Variants in COL4A1 observed in about 807,000 individuals in gnomAD.
COL4A1 encodes the protein collagen alpha-1(IV) chain.
A neutral mutation model predicts 216.6 loss-of-function variants in COL4A1; 40 were observed. That is an observed-to-expected ratio of 0.18 (90% confidence interval 0.14 to 0.24). The LOEUF (loss-of-function observed/expected upper bound fraction) is 0.24. Ranked by LOEUF, COL4A1 falls within the 10% of genes least tolerant of loss-of-function variation. COL4A1 has a pLI of 1.00. For synonymous variants in COL4A1, 839 were observed against 810.7 expected, an observed-to-expected ratio of 1.03 and a Z score of -0.59; for missense variants, 1,628 against 2,196.8, an observed-to-expected ratio of 0.74 and a Z score of 5.18.
At chr13:110,173,848 T>A (rs1877752691) in intron 40 of COL4A1, 52 bp downstream of exon 40, 1 of 1,606,196 alleles carries the variant, frequency 6.2e-7, no homozygotes, top group Non-Finnish European at 8.5e-7. Context: ...TCTGCAGGTC[T>A]CTGGGAGTGG....
chr13:110,257,367 A>C (rs1882622969), intron 1 of COL4A1, among the ~76,000 whole-genome samples: 1 of 152,256 alleles, frequency 6.6e-6, no homozygotes, highest in Non-Finnish European at 1.5e-5. Flanking sequence ...AAATGTGAGC[A>C]CAACAGCAAC....
chr13:110,214,020 A>C lies in COL4A1; in HGVS notation c.145-5T>G. The C allele has an allele frequency of 1.2e-6, 2 of 1,613,282 alleles. No homozygotes were observed. The highest frequency in any genetic ancestry group is 1.7e-6 in the Non-Finnish European group (2 of 1,179,312). ...CCCCGGGAGGCCTCTTTCACCCTAC[A>C]GAAGAGGAACATCAGTCAGGCAAAA... is the stretch of plus-strand genomic sequence containing the variant. On this transcript the variant is annotated splice_polypyrimidine_tract_variant and splice_region_variant and intron_variant, in intron 2 of 51. Transcript: ENST00000375820.
chr13:110,227,387 G>GAC (rs373355054), intron 2 of COL4A1, among the ~76,000 whole-genome samples: 9,751 of 138,686 alleles, frequency 0.07, 390 homozygotes, highest in African/African-American at 0.11. Flanking sequence ...GGGTACGGTA[G>GAC]ACACACACAC....
chr13:110,298,524 A>G (rs1445180803), intron 1 of COL4A1: 1 of 152,184 alleles, frequency 6.6e-6, no homozygotes, highest in East Asian at 1.9e-4. Context: ...TCACTGACCC[A>G]TTTTCCTGCT....
In COL4A1 at chr13:110,179,490, G is replaced by GTT; in HGVS notation, c.2194-70_2194-69insAA. ...TCAGTATTTTTATCAAACCAATAGC[G>GTT]TAAGTGAAGACTTAACAGATACTGC... On this transcript the variant is annotated intron_variant, in intron 29 of 51. Coordinates refer to ENST00000375820, the MANE Select transcript of COL4A1 (RefSeq NM_001845.6). The GTT allele has an allele frequency of 1.9e-6, 3 of 1,606,478 alleles. 1 individual carries two copies. In the Middle Eastern group the frequency reaches 5.0e-4, roughly 266 times the overall value.
intron 43 of COL4A1, among the ~76,000 whole-genome samples, chr13:110,167,605 G>A (rs1470427): frequency 0.48 from 72,759 of 152,026 alleles, 17,703 homozygotes; most frequent in Non-Finnish European, 0.51. Context: ...ACCAGCCAAC[G>A]AGCTTTTCTG....
At chr13:110,202,283 A>T (rs1408484280) in intron 18 of COL4A1, among the ~76,000 whole-genome samples, 1 of 152,024 alleles carries the variant, frequency 6.6e-6, no homozygotes, top group East Asian at 1.9e-4. Context: ...AGGTCGCAAG[A>T]CAAGAAGAGG....
At chr13:110,224,810 T>C (rs1880662341) in intron 2 of COL4A1, among the ~76,000 whole-genome samples, 1 of 152,140 alleles carries the variant, frequency 6.6e-6, no homozygotes, top group South Asian at 2.1e-4. Context: ...TGGGGCAGCG[T>C]TGTGGAACAA....
chr13:110,271,303 G>T (rs149882227), intron 1 of COL4A1, among the ~76,000 whole-genome samples: 1 of 152,282 alleles, frequency 6.6e-6, no homozygotes, highest in Non-Finnish European at 1.5e-5. Context: ...GGAGAAGCAA[G>T]ATATTCATAC....
In COL4A1 at chr13:110,178,918, C is replaced by T. The variant is rs533363311; in HGVS notation, c.2458+5G>A. The T allele has an allele frequency of 1.8e-5, 29 of 1,603,548 alleles. No individual in the cohort carries two copies. In the South Asian group the frequency reaches 3.1e-4, roughly 17 times the overall value. ...AACAGATAATTCTAGAAGCATGTCA[C>T]TCACCTGACAACCCCGGTGGTCCCT... On this transcript the variant is annotated splice_donor_5th_base_variant and intron_variant, in intron 31 of 51. Coordinates refer to ENST00000375820, the MANE Select transcript of COL4A1 (RefSeq NM_001845.6).
chr13:110,218,364 G>A lies in COL4A1; in HGVS notation c.145-4349C>T, dbSNP rs191625612. Among the ~76,000 whole-genome samples, 34 of 152,240 alleles carry A rather than the reference G, an allele frequency of 2.2e-4. No homozygotes were observed. In the East Asian group the frequency reaches 4.8e-3, roughly 22 times the overall value. ...GCTCTCGGGGGCTTCCTCTACGCAC[G>A]GAATGAGTACGGGTACCGGGTTTGG... is the stretch of plus-strand genomic sequence containing the variant. On this transcript the variant is annotated intron_variant, in intron 2 of 51. Transcript: ENST00000375820.
intron 1 of COL4A1, among the ~76,000 whole-genome samples, chr13:110,272,196 T>G (rs1190857909): frequency 6.6e-6 from 1 of 152,248 alleles, no homozygotes; most frequent in Non-Finnish European, 1.5e-5. Context: ...AAAAATGGCT[T>G]TGAACTAAAA....
intron 2 of COL4A1, among the ~76,000 whole-genome samples, chr13:110,224,059 A>G (rs1290945050): frequency 2.0e-5 from 3 of 152,222 alleles, no homozygotes; most frequent in Admixed American, 2.0e-4. Context: ...AGAAATGCAC[A>G]TGGCATAAAT....
intron 1 of COL4A1, among the ~76,000 whole-genome samples, chr13:110,283,522 G>A (rs533765106): frequency 4.6e-5 from 7 of 152,288 alleles, no homozygotes; most frequent in East Asian, 1.9e-4. Context: ...GCACACACAC[G>A]CACATGTGCA....
intron 13 of COL4A1, 107 bp from the exon 14 acceptor site, chr13:110,206,998 T>C: frequency 8.6e-7 from 1 of 1,168,468 alleles, no homozygotes; most frequent in Middle Eastern, 2.1e-4. Context: ...TCTGATATAT[T>C]AACAAAGAAA....
chr13:110,182,719 C>T (rs1033880941), intron 28 of COL4A1, among the ~76,000 whole-genome samples: 1 of 152,246 alleles, frequency 6.6e-6, no homozygotes, highest in African/African-American at 2.4e-5. Flanking sequence ...AAAGCAAACA[C>T]CTGGAGGGTG....
At chr13:110,256,449 C>T (rs997484761) in intron 1 of COL4A1, among the ~76,000 whole-genome samples, 3 of 152,214 alleles carry the variant, frequency 2.0e-5, no homozygotes, top group African/African-American at 4.8e-5. Flanking sequence ...CCAGCAGGCA[C>T]TGTGAACGTG....
In COL4A1 at chr13:110,170,648, G is replaced by A. The variant is rs751951004; in HGVS notation, c.3641C>T (p.Pro1214Leu). ...CCCCGGCTGTCCCTGGGGCCCCGGA[G>A]GACCCATGAATCCTTGCTCTCCTTT... Reference protein sequence around the residue: ...GSKGEQGFMGPPGPQGQPGLP... With the variant: ...GSKGEQGFMGLPGPQGQPGLP... The change falls in exon 42 of 52, where the codon CCT (proline) becomes CTT (leucine). Residue 1214 changes from proline (P) to leucine (L), a missense_variant. Transcript: ENST00000375820. 1.2e-5 allele frequency: 20 copies of A among 1,613,732 alleles called. No homozygotes were observed. In the African/African-American group the frequency reaches 1.6e-4, roughly 13 times the overall value.
chr13:110,185,413 G>A (rs907470615), intron 26 of COL4A1, among the ~76,000 whole-genome samples: 1 of 152,276 alleles, frequency 6.6e-6, no homozygotes, highest in African/African-American at 2.4e-5. Context: ...CAAAGTGCTG[G>A]GATTACAGGC....
Sources: gnomAD v4.1 joint callset for allele counts (sites outside exome capture counted in the v4.1 genomes callset) on GRCh38, gnomAD v4.1.1 for gene constraint, MANE v1.5 for transcripts, NCBI Gene and HGNC (gene_info 2026-07-23, HGNC 2026-07-21) for gene names.